Variants in BICD1 observed in about 807,000 individuals in gnomAD.
BICD1 encodes the protein BICD cargo adaptor 1.
Under a neutral mutation model 92.5 loss-of-function variants are expected in BICD1, and 35 were observed. The ratio of observed to expected loss-of-function variants is 0.38; its 90% CI spans 0.29 to 0.50. The LOEUF (loss-of-function observed/expected upper bound fraction) is 0.50. BICD1 is among the 20% of genes least tolerant of loss of function. The pLI is 0.93. For missense variants in BICD1, 950 were observed against 1,189.8 expected (o/e 0.80, Z 2.97); for synonymous variants, 429 against 465.1 (o/e 0.92, Z 1.00).
intron 2 of BICD1, among the ~76,000 whole-genome samples, chr12:32,242,618 T>C (rs78731569): frequency 6.6e-6 from 1 of 152,122 alleles, no homozygotes; most frequent in Admixed American, 6.6e-5. Flanking sequence ...ACTTTGCAAA[T>C]AATTGAAGTT....
At chr12:32,375,760 T>C (rs1939930658) in intron 9 of BICD1, among the ~76,000 whole-genome samples, 1 of 152,238 alleles carries the variant, frequency 6.6e-6, no homozygotes, top group Admixed American at 6.5e-5. Context: ...TCCATAATTA[T>C]GATTTTGTAT....
intron 8 of BICD1, among the ~76,000 whole-genome samples, chr12:32,345,116 G>A (rs543792295): frequency 1.3e-5 from 2 of 151,920 alleles, no homozygotes; most frequent in African/African-American, 4.8e-5. Context: ...GCGAGACCTC[G>A]TCTCTACATT....
At chr12:32,139,182 C>T (rs910694131) in intron 1 of BICD1, among the ~76,000 whole-genome samples, 1 of 152,208 alleles carries the variant, frequency 6.6e-6, no homozygotes, top group Non-Finnish European at 1.5e-5. Context: ...TTCTAAGCCA[C>T]GTGGCTGCTG....
rs981638835 is a variant in BICD1 at position 32,378,982 on chromosome 12, C to T, written c.*1355C>T. On this transcript the variant is annotated 3_prime_UTR_variant, in exon 10 of 10. Coordinates refer to ENST00000652176, the MANE Select transcript of BICD1 (RefSeq NM_001714.4). ...AAAACAGCTAACTGAGCTGAAAGGT[C>T]TAACACTCTCGGGCTCCTTAACCAT... is the stretch of plus-strand genomic sequence containing the variant. The T allele has an allele frequency of 6.6e-6, 1 of 152,204 alleles. No individual in the cohort carries two copies. Among genetic ancestry groups the T allele is most frequent in the Admixed American group, 6.5e-5 (1 of 15,278 alleles). The allele number at this position is 152,204 out of a possible 1,614,324, so 9.4% of individuals were successfully genotyped here.
intron 4 of BICD1, among the ~76,000 whole-genome samples, chr12:32,307,132 A>T (rs1948251404): frequency 6.6e-6 from 1 of 152,234 alleles, no homozygotes; most frequent in South Asian, 2.1e-4. Context: ...GTTTTTCATC[A>T]CAAGCAACTG....
chr12:32,144,468 C>T (rs1943044217), intron 1 of BICD1, among the ~76,000 whole-genome samples: 1 of 152,144 alleles, frequency 6.6e-6, no homozygotes, highest in African/African-American at 2.4e-5. Flanking sequence ...AGGCATAAAT[C>T]CACAGTGGGT....
intron 1 of BICD1, among the ~76,000 whole-genome samples, chr12:32,111,140 T>C (rs1941675571): frequency 6.6e-6 from 1 of 152,226 alleles, no homozygotes; most frequent in African/African-American, 2.4e-5. Flanking sequence ...AGAAAAGTTT[T>C]GCAGCTTGGA....
intron 2 of BICD1, among the ~76,000 whole-genome samples, chr12:32,277,596 G>A (rs187005673): frequency 4.6e-5 from 7 of 152,292 alleles, no homozygotes; most frequent in Non-Finnish European, 4.4e-5. Context: ...AAGTCAATCC[G>A]TCCAGGTACC....
At chr12:32,130,207 A>AT (rs1942491399) in intron 1 of BICD1, among the ~76,000 whole-genome samples, 1 of 139,532 alleles carries the variant, frequency 7.2e-6, no homozygotes, top group Admixed American at 8.1e-5. Context: ...ACAGTGACAA[A>AT]ATTTTTTTTT....
intron 5 of BICD1, among the ~76,000 whole-genome samples, chr12:32,334,048 T>C (rs1401303432): frequency 6.6e-6 from 1 of 152,228 alleles, no homozygotes; most frequent in Admixed American, 6.5e-5. Flanking sequence ...GTGTATGTCT[T>C]TTATTCTATG....
At chr12:32,250,465 C>T (rs550801273) in intron 2 of BICD1, among the ~76,000 whole-genome samples, 10 of 152,194 alleles carry the variant, frequency 6.6e-5, no homozygotes, top group Admixed American at 3.3e-4. Context: ...AAACATCATG[C>T]AATTTGTAAT....
At chr12:32,334,746 T>G in intron 6 of BICD1, 79 bp downstream of exon 6, 1 of 1,484,564 alleles carries the variant, frequency 6.7e-7, no homozygotes, top group Non-Finnish European at 9.0e-7. Context: ...CCTTTGTGCA[T>G]GTTGAGTGTA....
At chr12:32,113,214 A>C (rs1053654212) in intron 1 of BICD1, among the ~76,000 whole-genome samples, 1 of 152,094 alleles carries the variant, frequency 6.6e-6, no homozygotes, top group Non-Finnish European at 1.5e-5. Flanking sequence ...TCTAAGAGCT[A>C]TTTGGGAGGT....
chr12:32,305,965 A>G lies in BICD1; in HGVS notation c.848A>G (p.Asp283Gly), dbSNP rs1948203455. 3.1e-6 allele frequency: 5 copies of G among 1,614,254 alleles called. No homozygotes were observed. The highest frequency in any genetic ancestry group is 4.2e-6 in the Non-Finnish European group (5 of 1,180,040). The change falls in exon 4 of 10, where the codon GAC (aspartate) becomes GGC (glycine). Residue 283 changes from aspartate to glycine, a missense_variant. Physicochemically the swap from Asp to Gly is moderately conservative, Grantham distance 94. Coordinates refer to ENST00000652176, the MANE Select transcript of BICD1 (RefSeq NM_001714.4). The part of the protein sequence containing the change: ...AEDGSEPNND[D>G]KMNGHIHGPL... Reference sequence around the variant, plus strand: ...GATGGGAGTGAACCAAACAATGATGACAAAATGAACGGTCATATCCATGGG... The same window carrying G: ...GATGGGAGTGAACCAAACAATGATGGCAAAATGAACGGTCATATCCATGGG...
intron 2 of BICD1, among the ~76,000 whole-genome samples, chr12:32,225,069 C>T (rs1440388283): frequency 6.6e-6 from 1 of 152,188 alleles, no homozygotes; most frequent in Admixed American, 6.5e-5. Context: ...TTCACCACTT[C>T]AGAAATCTCC....
chr12:32,370,838 C>T (rs567318450), intron 9 of BICD1, among the ~76,000 whole-genome samples: 1 of 152,304 alleles, frequency 6.6e-6, no homozygotes, highest in South Asian at 2.1e-4. Context: ...CTCTTAACCT[C>T]TCTAATTTGC....
intron 1 of BICD1, among the ~76,000 whole-genome samples, chr12:32,122,597 T>A (rs1244403625): frequency 6.6e-6 from 1 of 152,182 alleles, no homozygotes; most frequent in Non-Finnish European, 1.5e-5. Context: ...TGTTTTATAA[T>A]CAGGTGCTAT....
intron 8 of BICD1, among the ~76,000 whole-genome samples, chr12:32,356,722 C>T (rs944662225): frequency 3.3e-5 from 5 of 152,080 alleles, no homozygotes; most frequent in Admixed American, 2.6e-4. Flanking sequence ...TGTGATGTAC[C>T]CTCACTTAAG....
chr12:32,337,802 C>A lies in BICD1; in HGVS notation c.2556C>A (p.Gly852=). The A allele has an allele frequency of 6.2e-7, 1 of 1,614,080 alleles. No homozygotes were observed. The highest frequency in any genetic ancestry group is 8.5e-7 in the Non-Finnish European group (1 of 1,180,000). Reference sequence around the variant, plus strand: ...CACCCAACATTCGGGTCAGCAGTGGCACTCAGAGGAAAAGGTATGCATGCA... The same window carrying A: ...CACCCAACATTCGGGTCAGCAGTGGAACTCAGAGGAAAAGGTATGCATGCA... ...PQTPNIRVSS[G]TQRKRQFSPS... is the part of the protein sequence containing the mutation. Residue 852 remains glycine, a synonymous_variant, in exon 7 of 10, where the codon GGC becomes GGA. Coordinates refer to ENST00000652176, the MANE Select transcript of BICD1 (RefSeq NM_001714.4). The surrounding 1 kb of genome is among the most constrained non-coding windows in gnomAD (Gnocchi z 4.7).
Sources: allele counts gnomAD v4.1 joint callset (sites outside exome capture counted in the v4.1 genomes callset), GRCh38; gene constraint gnomAD v4.1.1; non-coding constraint Gnocchi (gnomAD v3.1); transcripts MANE v1.5; gene names NCBI Gene and HGNC (gene_info 2026-07-23, HGNC 2026-07-21).